Variants in CCND3 observed in about 807,000 individuals in gnomAD.
CCND3 encodes the protein G1/S-specific cyclin-D3.
Under a neutral mutation model 28.7 loss-of-function variants are expected in CCND3, and 9 were observed. The ratio of observed to expected loss-of-function variants is 0.31; its 90% CI spans 0.19 to 0.55. The LOEUF is 0.55. Ranked by LOEUF, CCND3 falls within the 20% of genes least tolerant of loss-of-function variation. The pLI, the probability that CCND3 is intolerant of heterozygous loss-of-function variation, is 0.93. For missense variants in CCND3, 315 were observed against 385.8 expected (o/e 0.82, Z 1.54); for synonymous variants, 164 against 163.9 (o/e 1.00, Z 0.00).
At chr6:42,036,399 A>AT (rs1416726290) in intron 1 of CCND3, among the ~76,000 whole-genome samples, 1,096 of 43,750 alleles carry the variant, frequency 0.025, 84 homozygotes, top group African/African-American at 0.06. Flanking sequence ...ATATATATAT[A>AT]TATATTTTTT....
chr6:41,941,616 C>A lies in CCND3; in HGVS notation c.34G>T (p.Ala12Ser). The A allele has an allele frequency of 6.6e-7, 1 of 1,518,496 alleles. No homozygotes were observed. Among genetic ancestry groups the A allele is most frequent in the Non-Finnish European group, 8.8e-7 (1 of 1,130,882 alleles). The allele number at this position is 1,518,496 out of a possible 1,614,324, so 94.1% of individuals were successfully genotyped here. The change falls in exon 1 of 5, where the codon GCG becomes TCG. Residue 12 changes from alanine (A) to serine (S), a missense_variant. Coordinates refer to ENST00000372991, the MANE Select transcript of CCND3 (RefSeq NM_001760.5). This position sits in a 1 kb window ranked among gnomAD's most constrained non-coding sequence, Gnocchi z 6.1. ...CGCGGGTCCGGCCCGGCCCGGGGCG[C>A]GTGCCGGGTGCCTTCGCAACACAGC... is the stretch of plus-strand genomic sequence containing the variant. ...ELLCCEGTRH[A>S]PRAGPDPRLL...
intron 1 of CCND3, among the ~76,000 whole-genome samples, chr6:41,960,088 A>G (rs1214966854): frequency 2.6e-5 from 4 of 152,222 alleles, no homozygotes; most frequent in African/African-American, 9.6e-5. Flanking sequence ...TACAACACGG[A>G]TGAGTCCTGA....
Position 42,016,579 on chromosome 6 carries a change from A to T in CCND3, c.-46+31922T>A, listed in dbSNP as rs1336828990. 2.1e-4 allele frequency among the ~76,000 whole-genome samples: 9 copies of T among 43,070 alleles called. No homozygotes were observed. The East Asian group carries it at 3.0e-3, about 14-fold the overall frequency. 28.3% of individuals were successfully genotyped at this position (43,070 alleles called of 152,430 possible). A position where few individuals can be genotyped will look rare whatever the true frequency, so the allele number is the denominator to read the frequency against. ...AAATGCTTGATAAATGTTAGCTGCT[A>T]TTACTATCTATTACTTTTTTTTTTT... On this transcript the variant is annotated intron_variant, in intron 1 of 4. Coordinates refer to the CCND3 transcript ENST00000372988.
intron 1 of CCND3, among the ~76,000 whole-genome samples, chr6:41,972,780 G>T (rs1762069603): frequency 6.6e-6 from 1 of 151,878 alleles, no homozygotes; most frequent in Non-Finnish European, 1.5e-5. Flanking sequence ...CCTTTGGAAG[G>T]CTGAGATGGG....
At chr6:42,005,832 C>T (rs971887808) in intron 1 of CCND3, among the ~76,000 whole-genome samples, 75 of 151,864 alleles carry the variant, frequency 4.9e-4, no homozygotes, top group Non-Finnish European at 7.5e-4. Flanking sequence ...TACAGGCACC[C>T]GCCACCATGC....
intron 1 of CCND3, among the ~76,000 whole-genome samples, chr6:41,987,416 T>C (rs1445227141): frequency 6.6e-6 from 1 of 151,878 alleles, no homozygotes; most frequent in Non-Finnish European, 1.5e-5. Context: ...TGCTTAACTT[T>C]AGATCTTTGG....
intron 1 of CCND3, 93 bp from the exon 2 acceptor site, chr6:41,940,678 C>A: frequency 1.1e-6 from 1 of 894,048 alleles, no homozygotes. Flanking sequence ...GGATAGGGAG[C>A]AAAAACGGCA....
At chr6:42,043,130 A>G (rs955621515) in intron 1 of CCND3, among the ~76,000 whole-genome samples, 3 of 152,228 alleles carry the variant, frequency 2.0e-5, no homozygotes, top group African/African-American at 7.2e-5. Flanking sequence ...ACAGTGGCCC[A>G]CGCCTGTAAT....
At chr6:41,965,770 A>T (rs528543238) in intron 1 of CCND3, among the ~76,000 whole-genome samples, 2 of 152,290 alleles carry the variant, frequency 1.3e-5, no homozygotes, top group African/African-American at 4.8e-5. Context: ...CCCAAAGGAC[A>T]CATTCTTCCT....
intron 1 of CCND3, among the ~76,000 whole-genome samples, chr6:42,004,907 C>T (rs1365963363): frequency 1.3e-5 from 2 of 152,070 alleles, no homozygotes. Context: ...CAAATTAAAT[C>T]AGTAATTTAA....
intron 1 of CCND3, among the ~76,000 whole-genome samples, chr6:41,991,274 G>T (rs1282383844): frequency 2.0e-5 from 3 of 152,042 alleles, no homozygotes; most frequent in Admixed American, 6.6e-5. Context: ...GGCCAGGCTG[G>T]TCTCAAACTC....
intron 1 of CCND3, among the ~76,000 whole-genome samples, chr6:42,025,863 C>T (rs746647471): frequency 6.6e-6 from 1 of 152,168 alleles, no homozygotes; most frequent in Admixed American, 6.5e-5. Context: ...TTCACACACA[C>T]GGAACATGGT....
At chr6:42,025,337 CAG>C (rs1012093916) in intron 1 of CCND3, among the ~76,000 whole-genome samples, 2 of 152,192 alleles carry the variant, frequency 1.3e-5, no homozygotes, top group African/African-American at 4.8e-5. Flanking sequence ...AGTGTCTCCA[CAG>C]AGATTTCCAA....
chr6:42,044,310 A>G (rs1434796400), intron 1 of CCND3, among the ~76,000 whole-genome samples: 1 of 152,186 alleles, frequency 6.6e-6, no homozygotes, highest in Non-Finnish European at 1.5e-5. Context: ...GGCTCCCTGA[A>G]ACCAGTCAGC....
chr6:41,942,872 C>CTTTTTTTTTTTTTTTTTT (rs60884050), upstream of CCND3, among the ~76,000 whole-genome samples: 3 of 82,568 alleles, frequency 3.6e-5, no homozygotes, highest in African/African-American at 5.2e-5. Context: ...GTTAATTATT[C>CTTTTTTTTTTTTTTTTTT]TTTTTTTTTT....
intron 1 of CCND3, among the ~76,000 whole-genome samples, chr6:41,951,413 G>A (rs1776308513): frequency 7.7e-6 from 1 of 130,580 alleles, no homozygotes; most frequent in Admixed American, 7.7e-5. Context: ...AATTAGCCGG[G>A]CATGGTAGCA....
chr6:42,028,210 G>A (rs545906367), intron 1 of CCND3, among the ~76,000 whole-genome samples: 13 of 152,338 alleles, frequency 8.5e-5, no homozygotes, highest in African/African-American at 3.1e-4. Flanking sequence ...CACAGCTGGA[G>A]AGGAGACCTG....
chr6:41,983,171 A>G (rs1762395145), intron 1 of CCND3, among the ~76,000 whole-genome samples: 1 of 151,420 alleles, frequency 6.6e-6, no homozygotes, highest in African/African-American at 2.4e-5. Flanking sequence ...TGAGGTCAGG[A>G]GTTCAAGACC....
At chr6:42,012,296 C>G (rs1235534728) in intron 1 of CCND3, among the ~76,000 whole-genome samples, 1 of 145,666 alleles carries the variant, frequency 6.9e-6, no homozygotes, top group Non-Finnish European at 1.5e-5. Flanking sequence ...ATCCCAGCTA[C>G]TTGGGAGGCT....
Sources: allele counts gnomAD v4.1 joint callset (sites outside exome capture counted in the v4.1 genomes callset), GRCh38; gene constraint gnomAD v4.1.1; non-coding constraint Gnocchi (gnomAD v3.1); transcripts MANE v1.5; gene names NCBI Gene and HGNC (gene_info 2026-07-23, HGNC 2026-07-21).